The following ABCA7 variants were observed in gnomAD, a reference collection of about 807,000 sequenced individuals.
ABCA7 encodes the protein phospholipid-transporting ATPase ABCA7.
ABCA7 carries 261 observed loss-of-function variants against 227.6 expected under a neutral mutation model. The ratio of observed to expected loss-of-function variants is 1.15; its 90% CI spans 1.04 to 1.27. ABCA7 has a LOEUF of 1.27. Ranked by LOEUF, ABCA7 falls within the 50% of genes most tolerant of loss-of-function variation. The pLI, the probability that ABCA7 is intolerant of heterozygous loss-of-function variation, is 0.00. For synonymous variants in ABCA7, 1,488 were observed against 1,279.7 expected (o/e 1.16, Z -3.47); for missense variants, 3,331 against 2,924.5 (o/e 1.14, Z -3.21).
In ABCA7 at chr19:1,056,651, G is replaced by C; in HGVS notation, c.4586+152G>C. On this transcript the variant is annotated intron_variant, in intron 33 of 46. Transcript: ENST00000263094. The surrounding 1 kb of genome is among the most constrained non-coding windows in gnomAD (Gnocchi z 4.3). The stretch of plus-strand genomic sequence containing the variant: ...AACTGTTCCTCTGCTCCCTAAGCCA[G>C]GGAAATGGGACCTCCTCAGACTCAG... The C allele has an allele frequency of 8.6e-7, 1 of 1,164,462 alleles. No homozygotes were observed. Among genetic ancestry groups the C allele is most frequent in the Non-Finnish European group, 1.2e-6 (1 of 837,038 alleles). 72.1% of individuals were successfully genotyped at this position (1,164,462 alleles called of 1,614,324 possible). A position where few individuals can be genotyped will look rare whatever the true frequency, so the allele number is the denominator to read the frequency against.
chr19:1,054,450 C>A lies in ABCA7; in HGVS notation c.3726+109C>A. 1 of 1,554,524 alleles carries A rather than the reference C, an allele frequency of 6.4e-7. No individual in the cohort carries two copies. On this transcript the variant is annotated intron_variant, in intron 27 of 46. Coordinates refer to ENST00000263094, the MANE Select transcript of ABCA7 (RefSeq NM_019112.4). The surrounding 1 kb of genome is among the most constrained non-coding windows in gnomAD (Gnocchi z 4.8). ...CCTTACCCCCGTGTGTATTCCCAAC[C>A]CAAAGCACATTTATTGAGGGCACTG...
In ABCA7 at chr19:1,049,271, G is replaced by C; in HGVS notation, c.2386G>C (p.Val796Leu). 6.2e-7 allele frequency: 1 copy of C among 1,603,966 alleles called. No individual in the cohort carries two copies. Among genetic ancestry groups the C allele is most frequent in the Non-Finnish European group, 8.5e-7 (1 of 1,174,124 alleles). ...CPTPLDPKVL[V>L]EEAPPGLSPG... The stretch of plus-strand genomic sequence containing the variant: ...AGTCCACCCCATCTCTGCAGTGCTG[G>C]TAGAAGAGGCACCGCCCGGCCTGAG... Residue 796 changes from valine (V) to leucine (L), a missense_variant, in exon 18 of 47, where the codon GTA becomes CTA. Coordinates refer to ENST00000263094, the MANE Select transcript of ABCA7 (RefSeq NM_019112.4).
intron 11 of ABCA7, 30 bp downstream of exon 11, chr19:1,044,774 T>C: frequency 3.2e-6 from 5 of 1,568,992 alleles, no homozygotes; most frequent in Non-Finnish European, 4.3e-6. Context: ...CGGGGTCTGT[T>C]TCAGTGGGGA....
intron 7 of ABCA7, 80 bp downstream of exon 7, chr19:1,042,906 C>T (rs547075650): frequency 4.9e-5 from 74 of 1,512,852 alleles, no homozygotes; most frequent in Middle Eastern, 2.0e-4. Context: ...TGGGGCAGCC[C>T]GGGCACTTCC....
At chr19:1,061,995 C>A in intron 41 of ABCA7, 107 bp downstream of exon 41, 1 of 1,424,952 alleles carries the variant, frequency 7.0e-7, no homozygotes, top group Non-Finnish European at 9.5e-7. Context: ...CTGCCCCACA[C>A]CTGCATGGTC....
intron 44 of ABCA7, 73 bp from the exon 45 acceptor site, chr19:1,064,088 G>A: frequency 6.8e-7 from 1 of 1,460,548 alleles, no homozygotes; most frequent in Non-Finnish European, 9.2e-7. Flanking sequence ...CCCAGGCCGG[G>A]GGAAGCAGGC....
chr19:1,061,719 A>G, intron 40 of ABCA7, 63 bp from the exon 41 acceptor site: 2 of 1,472,268 alleles, frequency 1.4e-6, no homozygotes, highest in Non-Finnish European at 1.8e-6. Flanking sequence ...AAAAAAAGAA[A>G]TCAGAGATGC....
rs574102212 is a variant in ABCA7, at chr19:1,044,782, G to A, written c.1215+38G>A. On this transcript the variant is annotated intron_variant, in intron 11 of 46. Coordinates refer to ENST00000263094, the MANE Select transcript of ABCA7 (RefSeq NM_019112.4). The stretch of plus-strand genomic sequence containing the variant: ...CCACCTGCGGGGTCTGTTTCAGTGG[G>A]GAGGGCAGGTCCCATCCTAGTGTTC... 38 of 1,559,894 alleles carry A rather than the reference G, an allele frequency of 2.4e-5. 1 individual carries two copies. In the South Asian group the frequency reaches 4.4e-4, roughly 18 times the overall value.
rs918810158 is a variant in ABCA7, at chr19:1,057,206, T to G, written c.4765-108T>G. 1.7e-5 allele frequency: 27 copies of G among 1,553,872 alleles called. 1 individual carries two copies. In the East Asian group the frequency reaches 2.5e-4, roughly 14 times the overall value. ...TAAAGTCTTGAGGATTGTGGGAGAC[T>G]TTGTGCCTTCCTACTCAAAAAGCAA... On this transcript the variant is annotated intron_variant, in intron 34 of 46. Transcript: ENST00000263094.
Position 1,042,145 on chromosome 19 carries a change from G to A in ABCA7, c.384G>A (p.Leu128=). 6.3e-7 allele frequency: 1 copy of A among 1,599,844 alleles called. No homozygotes were observed. The highest frequency in any genetic ancestry group is 8.5e-7 in the Non-Finnish European group (1 of 1,179,272). The part of the protein sequence containing the change: ...AHRTLAGLGK[L]IATLRAARST... The stretch of plus-strand genomic sequence containing the variant: ...GGACGCTGGCTGGCCTAGGGAAGCT[G>A]ATCGCCACGCTGAGGGCTGCACGCA... Residue 128 remains leucine, a synonymous_variant, in exon 5 of 47, where the codon CTG becomes CTA. Coordinates refer to ENST00000263094, the MANE Select transcript of ABCA7 (RefSeq NM_019112.4).
At chr19:1,051,362 G>T in intron 20 of ABCA7, 68 bp downstream of exon 20, 1 of 1,588,014 alleles carries the variant, frequency 6.3e-7, no homozygotes, top group Non-Finnish European at 8.6e-7. Flanking sequence ...AAGGCAGGGG[G>T]AAGCCGGGTA....
At chr19:1,042,700 A>C in intron 6 of ABCA7, 46 bp from the exon 7 acceptor site, 1 of 1,577,668 alleles carries the variant, frequency 6.3e-7, no homozygotes, top group Non-Finnish European at 8.7e-7. Flanking sequence ...CTGGACCCCT[A>C]GTGAGTGTTC....
rs1027545976 is a variant in ABCA7, at chr19:1,065,030, C to G, written c.6144C>G (p.Arg2048=). 6.4e-7 allele frequency: 1 copy of G among 1,556,674 alleles called. No homozygotes were observed. Among genetic ancestry groups the G allele is most frequent in the Non-Finnish European group, 8.7e-7 (1 of 1,152,544 alleles). ...VAAEFPGAEL[R]EAHGGRLRFQ... ...CCGAGTTCCCTGGGGCGGAGCTGCG[C>G]GAGGCACATGGAGGCCGCCTGCGCT... The change falls in exon 46 of 47, where the codon CGC becomes CGG. Residue 2048 remains arginine, a synonymous_variant. Coordinates refer to ENST00000263094, the MANE Select transcript of ABCA7 (RefSeq NM_019112.4).
At chr19:1,064,138 C>T in intron 44 of ABCA7, 23 bp from the exon 45 acceptor site, 1 of 1,537,086 alleles carries the variant, frequency 6.5e-7, no homozygotes. Flanking sequence ...CCTCACGGAG[C>T]TCGTGGTGCC....
rs777043896 is a variant in ABCA7, at chr19:1,045,119, G to A, written c.1333G>A (p.Asp445Asn). The A allele has an allele frequency of 5.6e-6, 9 of 1,612,822 alleles. No individual in the cohort carries two copies. Among genetic ancestry groups the A allele is most frequent in the African/African-American group, 1.3e-5 (1 of 74,872 alleles). The change falls in exon 12 of 47, where the codon GAC becomes AAC. Residue 445 changes from aspartate to asparagine, a missense_variant. By Grantham distance (23) the Asp-to-Asn change is conservative. Transcript: ENST00000263094. ...CGGCGTCGTCTTCTTGGGACCTGAGGACTCTTCAGACCCCACAGAGCACCC... is the reference window on the plus strand; with the variant it reads ...CGGCGTCGTCTTCTTGGGACCTGAGAACTCTTCAGACCCCACAGAGCACCC... ...WAGVVFLGPE[D>N]SSDPTEHPTP... is the part of the protein sequence containing the mutation.
In ABCA7 at chr19:1,057,322, C is replaced by G; in HGVS notation, c.4773C>G (p.Tyr1591Ter). Residue 1591 changes from tyrosine to a stop codon, truncating the protein, a stop_gained, in exon 35 of 47, where the codon TAC (tyrosine) becomes TAG (stop). Coordinates refer to ENST00000263094, the MANE Select transcript of ABCA7 (RefSeq NM_019112.4). LOFTEE classifies it high-confidence loss of function. ...LGNFLWDMCN[Y>*]LVPACIVVLI... is the part of the protein sequence containing the mutation. ...TGCCATCTCCAATGCAGTGTAACTA[C>G]TTGGTGCCAGCATGCATCGTGGTGC... 1 of 1,613,974 alleles carries G rather than the reference C, an allele frequency of 6.2e-7. No individual in the cohort carries two copies. The highest frequency in any genetic ancestry group is 8.5e-7 in the Non-Finnish European group (1 of 1,180,022).
chr19:1,041,677 C>A, intron 3 of ABCA7, 74 bp downstream of exon 3: 1 of 1,577,722 alleles, frequency 6.3e-7, no homozygotes. Context: ...ACAGGAATCC[C>A]CCGTGCATGT....
At position 1,042,129 on chromosome 19, in the gene ABCA7, C is replaced by G. The variant is rs1216469471; in HGVS notation, c.368C>G (p.Ala123Gly). ...LGGASAHRTL[A>G]GLGKLIATLR... is the part of the protein sequence containing the mutation. ...GGGGCCAGTGCCCACAGGACGCTGG[C>G]TGGCCTAGGGAAGCTGATCGCCACG... The change falls in exon 5 of 47, where the codon GCT becomes GGT. Residue 123 changes from alanine to glycine, a missense_variant. Physicochemically the swap from Ala to Gly is moderately conservative, Grantham distance 60. Transcript: ENST00000263094. 6.3e-7 allele frequency: 1 copy of G among 1,599,336 alleles called. No individual in the cohort carries two copies. The highest frequency in any genetic ancestry group is 1.7e-5 in the Admixed American group (1 of 59,800).
chr19:1,060,762 T>C (rs1292891735), intron 40 of ABCA7, among the ~76,000 whole-genome samples: 1 of 152,040 alleles, frequency 6.6e-6, no homozygotes, highest in South Asian at 2.1e-4. Flanking sequence ...TCAGGTGATC[T>C]GCCCACCTCG....
Sources: allele counts gnomAD v4.1 joint callset (sites outside exome capture counted in the v4.1 genomes callset), GRCh38; gene constraint gnomAD v4.1.1; non-coding constraint Gnocchi (gnomAD v3.1); transcripts MANE v1.5; gene names NCBI Gene and HGNC (gene_info 2026-07-23, HGNC 2026-07-21).